Variants in ARID2 observed in about 807,000 individuals in gnomAD.
ARID2 encodes the protein AT-rich interaction domain 2.
Under a neutral mutation model 184.6 loss-of-function variants are expected in ARID2, and 32 were observed. That is an observed-to-expected ratio of 0.17 (90% confidence interval 0.13 to 0.23). ARID2 has a LOEUF of 0.23. Ranked by LOEUF, ARID2 falls within the 10% of genes least tolerant of loss-of-function variation. The pLI, the probability that ARID2 is intolerant of heterozygous loss-of-function variation, is 1.00. For synonymous variants in ARID2, 836 were observed against 772.6 expected, an observed-to-expected ratio of 1.08 and a Z score of -1.36; for missense variants, 1,696 against 2,197.6, an observed-to-expected ratio of 0.77 and a Z score of 4.56.
intron 16 of ARID2, among the ~76,000 whole-genome samples, chr12:45,871,304 C>T (rs1350636328): frequency 6.6e-6 from 1 of 152,108 alleles, no homozygotes; most frequent in African/African-American, 2.4e-5. Flanking sequence ...TGGTTGTTTG[C>T]TGAGAGCTTT....
At chr12:45,849,074 A>G in intron 13 of ARID2, 104 bp downstream of exon 13, 1 of 1,346,700 alleles carries the variant, frequency 7.4e-7, no homozygotes, top group Non-Finnish European at 1.0e-6. Flanking sequence ...AAATATTTCT[A>G]CTACTAGAAG....
intron 16 of ARID2, among the ~76,000 whole-genome samples, chr12:45,873,037 T>C (rs1038902667): frequency 1.3e-5 from 2 of 152,246 alleles, no homozygotes; most frequent in African/African-American, 4.8e-5. Context: ...TTGACTCACA[T>C]GTTTTGATGC....
At chr12:45,863,527 C>T (rs1005126826) in intron 16 of ARID2, among the ~76,000 whole-genome samples, 1 of 152,096 alleles carries the variant, frequency 6.6e-6, no homozygotes. Flanking sequence ...TTCAAGGCTA[C>T]AGTGAGCTAT....
At chr12:45,766,036 G>A (rs1357727078) in intron 3 of ARID2, among the ~76,000 whole-genome samples, 3 of 152,078 alleles carry the variant, frequency 2.0e-5, no homozygotes, top group African/African-American at 7.2e-5. Context: ...CTATTGTATT[G>A]ATACACCATA....
At chr12:45,737,174 A>G (rs1196259002) in intron 3 of ARID2, among the ~76,000 whole-genome samples, 1 of 152,170 alleles carries the variant, frequency 6.6e-6, no homozygotes, top group Non-Finnish European at 1.5e-5. Flanking sequence ...TCTCTTAGTG[A>G]TGTCCAGGAA....
At chr12:45,780,678 GC>G (rs1285642471) in intron 3 of ARID2, among the ~76,000 whole-genome samples, 3 of 152,058 alleles carry the variant, frequency 2.0e-5, no homozygotes, top group Admixed American at 6.5e-5. Flanking sequence ...GGGTGCAATG[GC>G]GTGATCTCGG....
intron 11 of ARID2, among the ~76,000 whole-genome samples, chr12:45,845,354 A>G (rs1943423062): frequency 6.6e-6 from 1 of 152,172 alleles, no homozygotes; most frequent in African/African-American, 2.4e-5. Flanking sequence ...GATTGCCAAC[A>G]GGAAAAATTA....
intron 5 of ARID2, 38 bp from the exon 6 acceptor site, chr12:45,821,382 A>C: frequency 7.9e-7 from 1 of 1,273,296 alleles, no homozygotes. Flanking sequence ...AATTTATTGC[A>C]TTTTATTGAA....
At chr12:45,831,768 A>G (rs978818211) in intron 6 of ARID2, among the ~76,000 whole-genome samples, 5 of 152,152 alleles carry the variant, frequency 3.3e-5, no homozygotes, top group Non-Finnish European at 7.3e-5. Context: ...GTAATTATGA[A>G]TGTTTATATA....
chr12:45,738,824 G>C (rs1271695043), intron 3 of ARID2, among the ~76,000 whole-genome samples: 1 of 83,526 alleles, frequency 1.2e-5, no homozygotes, highest in Non-Finnish European at 2.1e-5. Flanking sequence ...AAGGCTTTAG[G>C]TTATATCCAA....
rs2138174836 is a variant in ARID2, at chr12:45,851,943, G to C, written c.3820G>C (p.Gly1274Arg). 1 of 1,613,494 alleles carries C rather than the reference G, an allele frequency of 6.2e-7. No homozygotes were observed. Residue 1274 changes from glycine to arginine, a missense_variant, in exon 15 of 21, where the codon GGA (glycine) becomes CGA (arginine). By Grantham distance (125) the Gly-to-Arg change is moderately radical (BLOSUM62 -2). This residue lies in a region of ARID2 where 428 missense variants were observed against 409.1 expected (regional missense o/e 1.05). Coordinates refer to ENST00000334344, the MANE Select transcript of ARID2 (RefSeq NM_152641.4). ...CATGGAGAACCCGTCCTGCCGACGA[G>C]GAGCCACAAACACCAGCAATGGGGA... ...EVMENPSCRRGATNTSNGDTK... is the reference protein window; with the variant it reads ...EVMENPSCRRRATNTSNGDTK...
intron 6 of ARID2, among the ~76,000 whole-genome samples, chr12:45,827,994 CT>C (rs1172774413): frequency 1.3e-5 from 2 of 151,900 alleles, no homozygotes; most frequent in Non-Finnish European, 2.9e-5. Flanking sequence ...AATATATTAT[CT>C]TTTTTGGACT....
At chr12:45,810,716 T>C (rs1426114118) in intron 3 of ARID2, among the ~76,000 whole-genome samples, 2 of 152,184 alleles carry the variant, frequency 1.3e-5, no homozygotes, top group Non-Finnish European at 2.9e-5. Context: ...TTGTTATTGC[T>C]GATAAGTGAA....
chr12:45,782,252 G>C (rs2138040283), intron 3 of ARID2, among the ~76,000 whole-genome samples: 2 of 152,226 alleles, frequency 1.3e-5, no homozygotes, highest in South Asian at 4.2e-4. Flanking sequence ...ACAACATTAG[G>C]TGTCAGAAGA....
At chr12:45,874,094 G>T (rs565828292) in intron 16 of ARID2, 2 of 152,384 alleles carry the variant, frequency 1.3e-5, no homozygotes, top group African/African-American at 2.4e-5. Flanking sequence ...AAGGAGGATT[G>T]CTTGAGTCCA....
At chr12:45,789,627 A>G (rs866706801) in intron 3 of ARID2, 1 of 152,210 alleles carries the variant, frequency 6.6e-6, no homozygotes, top group Non-Finnish European at 1.5e-5. Context: ...CTACCAATAC[A>G]TAAAAGAAAT....
In ARID2 at chr12:45,893,116, C is replaced by T. The variant is rs142022466; in HGVS notation, c.5148-304C>T. On this transcript the variant is annotated intron_variant, in intron 18 of 20. Coordinates refer to ENST00000334344, the MANE Select transcript of ARID2 (RefSeq NM_152641.4). Reference sequence around the variant, plus strand: ...TGAGAAGGCTATAACTTCGATGCTACGTTGAATTTGTCTTGATTGCATACT... The same window carrying T: ...TGAGAAGGCTATAACTTCGATGCTATGTTGAATTTGTCTTGATTGCATACT... Among the ~76,000 whole-genome samples, 1,088 of 152,194 alleles carry T rather than the reference C, an allele frequency of 7.1e-3. 10 individuals carry two copies. Among genetic ancestry groups the T allele is most frequent in the African/African-American group, 0.025 (1,018 of 41,524 alleles).
At chr12:45,798,060 G>T (rs751256019) in intron 3 of ARID2, among the ~76,000 whole-genome samples, 27 of 152,154 alleles carry the variant, frequency 1.8e-4, no homozygotes, top group Non-Finnish European at 3.2e-4. Context: ...TTATTACCTA[G>T]ATAGAAATAC....
At chr12:45,750,858 AG>A (rs1331865586) in intron 3 of ARID2, among the ~76,000 whole-genome samples, 1 of 152,224 alleles carries the variant, frequency 6.6e-6, no homozygotes, top group African/African-American at 2.4e-5. Flanking sequence ...AGATTTAGAA[AG>A]GTTAAGTAAT....
Sources: gnomAD v4.1 joint callset for allele counts (sites outside exome capture counted in the v4.1 genomes callset) on GRCh38, gnomAD v4.1.1 for gene constraint, gnomAD v4.1.1 regional missense constraint, MANE v1.5 for transcripts, NCBI Gene and HGNC (gene_info 2026-07-23, HGNC 2026-07-21) for gene names.